Variants in DCDC1 observed in about 807,000 individuals in gnomAD.
The protein encoded by DCDC1 is doublecortin domain-containing protein 1.
In DCDC1, 200 loss-of-function variants were observed where a neutral mutation model predicts 178.3. The ratio of observed to expected loss-of-function variants is 1.12; its 90% confidence interval spans 1.00 to 1.26. The LOEUF (loss-of-function observed/expected upper bound fraction) is 1.26, where lower values mean the gene tolerates loss of function less well. DCDC1 is among the 50% of genes most tolerant of loss of function. The pLI is 0.00. For synonymous variants in DCDC1, 690 were observed against 604.8 expected (o/e 1.14, Z -2.07); for missense variants, 1,983 against 1,749.2 (o/e 1.13, Z -2.38).
intron 36 of DCDC1, among the ~76,000 whole-genome samples, chr11:30,890,679 T>C (rs1178752019): frequency 6.6e-6 from 1 of 152,194 alleles, no homozygotes; most frequent in Non-Finnish European, 1.5e-5. Flanking sequence ...GAAAAATAAA[T>C]GTCTCCCATA....
chr11:30,903,505 T>G lies in DCDC1; in HGVS notation c.4487A>C (p.Gln1496Pro). 6.3e-7 allele frequency: 1 copy of G among 1,599,468 alleles called. No homozygotes were observed. Among genetic ancestry groups the G allele is most frequent in the Non-Finnish European group, 8.5e-7 (1 of 1,172,190 alleles). Residue 1496 changes from glutamine (Q) to proline (P), a missense_variant, in exon 32 of 39, where the codon CAG becomes CCG. Transcript: ENST00000684477. Reference protein sequence around the residue: ...KQDAAPVGKEQIIVESMEENP... With the variant: ...KQDAAPVGKEPIIVESMEENP... Reference sequence around the variant, plus strand: ...ACCTTCCATACTTTCAACAATTATCTGTTCTTTTCCAACAGGAGCTGCATC... The same window carrying G: ...ACCTTCCATACTTTCAACAATTATCGGTTCTTTTCCAACAGGAGCTGCATC...
At chr11:31,065,506 T>C (rs931565518) in intron 18 of DCDC1, among the ~76,000 whole-genome samples, 2 of 152,148 alleles carry the variant, frequency 1.3e-5, no homozygotes, top group African/African-American at 4.8e-5. Context: ...AATTGTGTAG[T>C]TGCTGTATTG....
chr11:31,311,301 A>G (rs1215819320), intron 3 of DCDC1, among the ~76,000 whole-genome samples: 3 of 152,174 alleles, frequency 2.0e-5, no homozygotes, highest in Non-Finnish European at 2.9e-5. Context: ...AGGATGCACA[A>G]TGGAGGTACA....
chr11:31,102,185 G>T lies in DCDC1; in HGVS notation c.1975C>A (p.Gln659Lys). The stretch of plus-strand genomic sequence containing the variant: ...AATAACTAAAATCCCACCTTGTTCT[G>T]TAGAAAATGGTTCTCCAAGTCCACC... ...EKVDLENHFL[Q>K]NKVDPNIVLH... The change falls in exon 15 of 39, where the codon CAG becomes AAG. Residue 659 changes from glutamine (Q) to lysine (K), a missense_variant. By Grantham distance (53) the Gln-to-Lys change is moderately conservative. Transcript: ENST00000684477. 1.4e-6 allele frequency: 1 copy of T among 715,056 alleles called. No homozygotes were observed. The highest frequency in any genetic ancestry group is 1.5e-5 in the South Asian group (1 of 65,512). 44.3% of individuals were successfully genotyped at this position (715,056 alleles called of 1,614,324 possible).
intron 9 of DCDC1, among the ~76,000 whole-genome samples, chr11:31,168,097 C>T (rs898018235): frequency 6.6e-6 from 1 of 152,184 alleles, no homozygotes; most frequent in African/African-American, 2.4e-5. Flanking sequence ...GTCCCACCTC[C>T]TTTGTGAATC....
chr11:31,137,415 T>C (rs1233379088), intron 10 of DCDC1, among the ~76,000 whole-genome samples: 1 of 149,352 alleles, frequency 6.7e-6, no homozygotes, highest in Non-Finnish European at 1.5e-5. Flanking sequence ...AGTCGCGCAA[T>C]CTCTGCTCAC....
At chr11:31,092,339 G>A (rs1459120266) in intron 16 of DCDC1, among the ~76,000 whole-genome samples, 2 of 152,172 alleles carry the variant, frequency 1.3e-5, no homozygotes, top group Non-Finnish European at 1.5e-5. Context: ...GTTTTAGTAA[G>A]TACTGAATGA....
intron 7 of DCDC1, among the ~76,000 whole-genome samples, chr11:31,286,326 G>A (rs1012904637): frequency 1.3e-5 from 2 of 151,968 alleles, no homozygotes; most frequent in Non-Finnish European, 2.9e-5. Flanking sequence ...CCAGGTAACG[G>A]AGGAAAAGTA....
rs759161355 is a variant in DCDC1 at position 31,110,316 on chromosome 11, T to C, written c.1531A>G (p.Ser511Gly). The change falls in exon 12 of 39, where the codon AGT becomes GGT. Residue 511 changes from serine to glycine, a missense_variant. Coordinates refer to ENST00000684477, the MANE Select transcript of DCDC1 (RefSeq NM_001387274.1). ...KNTGEISVGI[S>G]KKDLGSDSPI... ...CTATCCGATCCCAAATCTTTTTTAC[T>C]GATACCAACAGAGATCTCTCCAGTG... is the stretch of plus-strand genomic sequence containing the variant. 2 of 710,984 alleles carry C rather than the reference T, an allele frequency of 2.8e-6. No individual in the cohort carries two copies. Among genetic ancestry groups the C allele is most frequent in the East Asian group, 5.2e-5 (2 of 38,462 alleles). The allele number at this position is 710,984 out of a possible 1,614,324, so 44.0% of individuals were successfully genotyped here.
chr11:31,261,588 T>G (rs1409644708), intron 8 of DCDC1, among the ~76,000 whole-genome samples: 1 of 152,160 alleles, frequency 6.6e-6, no homozygotes, highest in Non-Finnish European at 1.5e-5. Context: ...GTATTATAAG[T>G]AAGCTAGAGA....
chr11:30,991,320 T>C (rs1212597159), intron 20 of DCDC1, among the ~76,000 whole-genome samples: 1 of 152,080 alleles, frequency 6.6e-6, no homozygotes, highest in Non-Finnish European at 1.5e-5. Flanking sequence ...ACCTTAACCA[T>C]ATACCATAAT....
chr11:31,179,489 A>G (rs768976631), intron 9 of DCDC1, among the ~76,000 whole-genome samples: 12 of 152,248 alleles, frequency 7.9e-5, no homozygotes, highest in Non-Finnish European at 1.5e-4. Flanking sequence ...AATATTATTC[A>G]ACCTTTAAAA....
At chr11:31,020,049 TTA>T (rs1952763127) in intron 20 of DCDC1, among the ~76,000 whole-genome samples, 1 of 152,214 alleles carries the variant, frequency 6.6e-6, no homozygotes, top group Non-Finnish European at 1.5e-5. Context: ...TGTAAATTGT[TTA>T]GTCTCCAACT....
At chr11:31,345,461 C>T (rs907575651) in intron 1 of DCDC1, among the ~76,000 whole-genome samples, 5 of 152,074 alleles carry the variant, frequency 3.3e-5, no homozygotes, top group African/African-American at 9.7e-5. Context: ...TATTCACATG[C>T]ATCCTGTTGT....
At chr11:31,336,641 C>A (rs1950287716) in intron 1 of DCDC1, among the ~76,000 whole-genome samples, 1 of 152,202 alleles carries the variant, frequency 6.6e-6, no homozygotes, top group South Asian at 2.1e-4. Flanking sequence ...ATTGCATAAA[C>A]TTTGTGGCAG....
intron 3 of DCDC1, among the ~76,000 whole-genome samples, chr11:31,324,329 T>C (rs1399994351): frequency 2.0e-5 from 3 of 152,054 alleles, no homozygotes; most frequent in African/African-American, 4.8e-5. Flanking sequence ...AAAGGTTTTT[T>C]ACTTGTGTAA....
intron 20 of DCDC1, among the ~76,000 whole-genome samples, chr11:30,961,005 G>C (rs1169086214): frequency 6.6e-6 from 1 of 151,984 alleles, no homozygotes; most frequent in Non-Finnish European, 1.5e-5. Context: ...ATATTTGATT[G>C]ACAGTTATCT....
rs1209497501 is a variant in DCDC1 at position 30,878,793 on chromosome 11, T to A, written c.5234-82A>T. The A allele has an allele frequency of 8.2e-6, 11 of 1,346,274 alleles. No individual in the cohort carries two copies. The East Asian group carries it at 2.8e-4, about 35-fold the overall frequency. The allele number at this position is 1,346,274 out of a possible 1,614,324, so 83.4% of individuals were successfully genotyped here. On this transcript the variant is annotated intron_variant, in intron 37 of 38. Transcript: ENST00000684477. The stretch of plus-strand genomic sequence containing the variant: ...TTAAAAGTCCAGGATGATGAAAAAC[T>A]TGAAGACCCCTCACAAATCCTTGGC...
intron 24 of DCDC1, among the ~76,000 whole-genome samples, chr11:30,921,977 G>A (rs1466090603): frequency 6.6e-6 from 1 of 152,086 alleles, no homozygotes; most frequent in Non-Finnish European, 1.5e-5. Flanking sequence ...GGCTCCAGAG[G>A]GCCACAGGAA....
Sources: allele counts gnomAD v4.1 joint callset (sites outside exome capture counted in the v4.1 genomes callset), GRCh38; gene constraint gnomAD v4.1.1; transcripts MANE v1.5; gene names NCBI Gene and HGNC (gene_info 2026-07-23, HGNC 2026-07-21).